Variants in PRKG1 observed in about 807,000 individuals in gnomAD.
The protein encoded by PRKG1 is cGMP-dependent protein kinase 1.
A neutral mutation model predicts 88.1 loss-of-function variants in PRKG1; 35 were observed. That is an observed-to-expected ratio of 0.40 (90% CI 0.30 to 0.53). The LOEUF (loss-of-function observed/expected upper bound fraction) is 0.53, where lower values mean the gene tolerates loss of function less well. Ranked by LOEUF, PRKG1 falls within the 20% of genes least tolerant of loss-of-function variation. The pLI is 0.59. For missense variants in PRKG1, 540 were observed against 839.8 expected (o/e 0.64, Z 4.41); for synonymous variants, 303 against 292.5 (o/e 1.04, Z -0.37).
chr10:51,555,792 G>A (rs574279838), intron 3 of PRKG1, among the ~76,000 whole-genome samples: 6 of 152,004 alleles, frequency 3.9e-5, no homozygotes, highest in Admixed American at 2.0e-4. Context: ...GGAAGAGGAA[G>A]GGTTACTTTT....
At chr10:51,780,876 C>G (rs1838569589) in intron 3 of PRKG1, among the ~76,000 whole-genome samples, 1 of 152,056 alleles carries the variant, frequency 6.6e-6, no homozygotes, top group Non-Finnish European at 1.5e-5. Context: ...TTTTCTTATT[C>G]ATGTGAAACA....
intron 7 of PRKG1, among the ~76,000 whole-genome samples, chr10:52,108,332 A>G (rs1482884766): frequency 6.6e-6 from 1 of 152,236 alleles, no homozygotes; most frequent in Non-Finnish European, 1.5e-5. Context: ...TATGATAGTT[A>G]GTGACATAAC....
chr10:51,621,460 T>C (rs1276820068), intron 3 of PRKG1, among the ~76,000 whole-genome samples: 1 of 152,124 alleles, frequency 6.6e-6, no homozygotes, highest in Non-Finnish European at 1.5e-5. Context: ...AAGATGGCAT[T>C]TGAAAATTTG....
At chr10:51,463,803 A>T (rs1839807232) in intron 2 of PRKG1, among the ~76,000 whole-genome samples, 1 of 152,158 alleles carries the variant, frequency 6.6e-6, no homozygotes, top group South Asian at 2.1e-4. Flanking sequence ...GATACTTCTA[A>T]ATGTCTCTGA....
intron 7 of PRKG1, among the ~76,000 whole-genome samples, chr10:52,131,364 G>T (rs982387260): frequency 5.9e-5 from 9 of 152,022 alleles, no homozygotes; most frequent in Non-Finnish European, 8.8e-5. Flanking sequence ...GAGGTATGTA[G>T]GGCTACGAGA....
intron 2 of PRKG1, among the ~76,000 whole-genome samples, chr10:51,237,195 A>G (rs2132118582): frequency 6.6e-6 from 1 of 152,348 alleles, no homozygotes; most frequent in East Asian, 1.9e-4. Flanking sequence ...GACATTAAAT[A>G]ATGTTTTACC....
intron 3 of PRKG1, among the ~76,000 whole-genome samples, chr10:51,612,289 T>C (rs1838931075): frequency 6.6e-6 from 1 of 152,082 alleles, no homozygotes; most frequent in South Asian, 2.1e-4. Flanking sequence ...TTTCCATTTG[T>C]TGTGTCCTCT....
At chr10:51,452,252 A>G (rs1368125723) in intron 2 of PRKG1, among the ~76,000 whole-genome samples, 1 of 151,924 alleles carries the variant, frequency 6.6e-6, no homozygotes, top group Non-Finnish European at 1.5e-5. Flanking sequence ...CCATCTGTCT[A>G]TACTGCAGAT....
intron 2 of PRKG1, among the ~76,000 whole-genome samples, chr10:51,340,518 A>C (rs1841981631): frequency 6.6e-6 from 1 of 152,228 alleles, no homozygotes; most frequent in Non-Finnish European, 1.5e-5. Flanking sequence ...AATGCATGTT[A>C]AACATAGATG....
intron 2 of PRKG1, among the ~76,000 whole-genome samples, chr10:51,291,282 T>G (rs1486298191): frequency 6.6e-6 from 1 of 152,198 alleles, no homozygotes; most frequent in Non-Finnish European, 1.5e-5. Context: ...GTGGTTTTCC[T>G]ACCTGTAGAA....
chr10:51,194,916 G>A (rs969762275), intron 2 of PRKG1, among the ~76,000 whole-genome samples: 2 of 152,072 alleles, frequency 1.3e-5, no homozygotes, highest in African/African-American at 4.8e-5. Context: ...TCCAGATAAT[G>A]GTATTAATCC....
chr10:51,816,545 G>GTT (rs1261533172), intron 4 of PRKG1, among the ~76,000 whole-genome samples: 1 of 146,790 alleles, frequency 6.8e-6, no homozygotes, highest in East Asian at 1.9e-4. Flanking sequence ...GCATGTGTGT[G>GTT]TGTGTGTGTG....
intron 4 of PRKG1, among the ~76,000 whole-genome samples, chr10:51,805,265 G>A (rs1040185264): frequency 4.0e-5 from 6 of 151,600 alleles, no homozygotes; most frequent in South Asian, 4.2e-4. Flanking sequence ...CTTTTCTTTC[G>A]TTTATATTAT....
At chr10:51,545,552 AC>A (rs1317826049) in intron 3 of PRKG1, among the ~76,000 whole-genome samples, 1 of 152,148 alleles carries the variant, frequency 6.6e-6, no homozygotes, top group African/African-American at 2.4e-5. Flanking sequence ...AGTAGGGACA[AC>A]AAGCTTAAAA....
chr10:51,633,166 T>A (rs1017728070), intron 3 of PRKG1, among the ~76,000 whole-genome samples: 2 of 152,152 alleles, frequency 1.3e-5, no homozygotes, highest in African/African-American at 4.8e-5. Flanking sequence ...TTGAATTAAT[T>A]CTCAGTGGCC....
At chr10:51,011,990 C>T (rs1363666995) in intron 1 of PRKG1, among the ~76,000 whole-genome samples, 1 of 152,102 alleles carries the variant, frequency 6.6e-6, no homozygotes, top group Non-Finnish European at 1.5e-5. Flanking sequence ...GGGGAACTCC[C>T]CTTTATGAAA....
At chr10:52,193,190 T>C (rs1240653700) in intron 9 of PRKG1, among the ~76,000 whole-genome samples, 1 of 152,054 alleles carries the variant, frequency 6.6e-6, no homozygotes, top group Admixed American at 6.6e-5. Context: ...ACAGGAAGCT[T>C]TTTTCTCTCT....
At chr10:51,738,152 C>T (rs1013755658) in intron 3 of PRKG1, among the ~76,000 whole-genome samples, 6 of 152,216 alleles carry the variant, frequency 3.9e-5, no homozygotes, top group East Asian at 1.9e-4. Context: ...ATTGGTCAAA[C>T]GTTGCCTGTT....
At chr10:51,015,157 C>T (rs10822095) in intron 1 of PRKG1, among the ~76,000 whole-genome samples, 48,213 of 152,056 alleles carry the variant, frequency 0.32, 7,790 homozygotes, top group East Asian at 0.48. Flanking sequence ...GATTGCAACC[C>T]TTACTGAAAA....
Sources: allele counts gnomAD v4.1 joint callset (sites outside exome capture counted in the v4.1 genomes callset), GRCh38; gene constraint gnomAD v4.1.1; transcripts MANE v1.5; gene names NCBI Gene and HGNC (gene_info 2026-07-23, HGNC 2026-07-21).